UTP18: variants seen among roughly 807,000 people sequenced by gnomAD.
UTP18 encodes the protein U3 small nucleolar RNA-associated protein 18 homolog.
UTP18 carries 36 observed loss-of-function variants against 61.1 expected under a neutral mutation model. The observed-to-expected ratio is 0.59, with a 90% confidence interval of 0.45 to 0.78. The LOEUF is 0.78. Ranked by LOEUF, UTP18 falls within the 30% of genes least tolerant of loss-of-function variation. The pLI, the probability that UTP18 is intolerant of heterozygous loss-of-function variation, is 0.00. For synonymous variants in UTP18, 282 were observed against 251.1 expected (o/e 1.12, Z -1.16); for missense variants, 753 against 693.9 (o/e 1.09, Z -0.96).
At chr17:51,292,142 C>T (rs1299944327) in intron 11 of UTP18, among the ~76,000 whole-genome samples, 1 of 152,072 alleles carries the variant, frequency 6.6e-6, no homozygotes, top group African/African-American at 2.4e-5. Flanking sequence ...TTGCAATATC[C>T]ATGTTGTGGC....
chr17:51,285,206 A>G (rs754065727), intron 9 of UTP18, 39 bp from the exon 10 acceptor site: 3 of 1,610,008 alleles, frequency 1.9e-6, no homozygotes, highest in Non-Finnish European at 2.5e-6. Flanking sequence ...TCAAGTTTAA[A>G]GCAAAATTAA....
intron 2 of UTP18, among the ~76,000 whole-genome samples, chr17:51,265,743 T>C (rs888503091): frequency 1.2e-4 from 18 of 151,472 alleles, no homozygotes; most frequent in Admixed American, 1.3e-4. Flanking sequence ...TCTGTATTTT[T>C]AGTAGAGATG....
At chr17:51,285,655 C>T (rs1905082131) in intron 10 of UTP18, among the ~76,000 whole-genome samples, 2 of 152,226 alleles carry the variant, frequency 1.3e-5, no homozygotes, top group Admixed American at 1.3e-4. Flanking sequence ...GAGCAAGAGA[C>T]CACATTCACG....
At chr17:51,290,374 C>T (rs545151191) in intron 11 of UTP18, among the ~76,000 whole-genome samples, 2 of 152,220 alleles carry the variant, frequency 1.3e-5, no homozygotes, top group African/African-American at 4.8e-5. Flanking sequence ...CAAGATCGTG[C>T]CTCTGTACTC....
In UTP18 at chr17:51,285,324, A is replaced by C; in HGVS notation, c.1284A>C (p.Gly428=). 5.6e-6 allele frequency: 9 copies of C among 1,613,968 alleles called. No homozygotes were observed. Among genetic ancestry groups the C allele is most frequent in the Non-Finnish European group, 7.6e-6 (9 of 1,179,924 alleles). Reference sequence around the variant, plus strand: ...TTGTTGATGAAGGCAGTTTATATGGATTAAGCATTGCCACATCTAGGAATG... The same window carrying C: ...TTGTTGATGAAGGCAGTTTATATGGCTTAAGCATTGCCACATCTAGGAATG... ...NRFVDEGSLY[G]LSIATSRNGQ... is the part of the protein sequence containing the mutation. Residue 428 remains glycine (G), a synonymous_variant, in exon 10 of 14, where the codon GGA becomes GGC. Coordinates refer to ENST00000225298, the MANE Select transcript of UTP18 (RefSeq NM_016001.3).
chr17:51,285,796 C>G (rs1006182280), intron 10 of UTP18, among the ~76,000 whole-genome samples: 18 of 152,224 alleles, frequency 1.2e-4, no homozygotes, highest in African/African-American at 4.3e-4. Context: ...ACAGTACACA[C>G]AGGGTTCAGT....
At chr17:51,276,046 C>G in intron 6 of UTP18, 55 bp downstream of exon 6, 1 of 1,524,592 alleles carries the variant, frequency 6.6e-7, no homozygotes, top group Non-Finnish European at 8.8e-7. Context: ...ATTTAAGGAC[C>G]AGACATTTGC....
At chr17:51,268,266 TC>T (rs1447697490) in intron 3 of UTP18, among the ~76,000 whole-genome samples, 4 of 152,328 alleles carry the variant, frequency 2.6e-5, no homozygotes, top group African/African-American at 9.6e-5. Context: ...GACCTCGTGA[TC>T]CGCCCGCCTT....
At chr17:51,280,799 C>T (rs560392486) in intron 9 of UTP18, among the ~76,000 whole-genome samples, 5 of 151,588 alleles carry the variant, frequency 3.3e-5, no homozygotes, top group African/African-American at 4.8e-5. Flanking sequence ...GGGGACAGAA[C>T]GAGACTCCAT....
At chr17:51,296,129 A>C (rs911187135) in intron 12 of UTP18, 1 of 152,210 alleles carries the variant, frequency 6.6e-6, no homozygotes, top group Non-Finnish European at 1.5e-5. Context: ...ATAAAACAGG[A>C]ACAAACAAAA....
chr17:51,263,829 G>T (rs917243331), intron 2 of UTP18, among the ~76,000 whole-genome samples: 2 of 152,152 alleles, frequency 1.3e-5, no homozygotes, highest in South Asian at 4.1e-4. Flanking sequence ...AAAGAAGGTA[G>T]CTCACACCAT....
chr17:51,289,219 C>G (rs1011213834), intron 11 of UTP18, among the ~76,000 whole-genome samples: 10 of 147,392 alleles, frequency 6.8e-5, no homozygotes, highest in African/African-American at 2.5e-4. Flanking sequence ...TTTTTTGAGA[C>G]CAAGTCTCAC....
At chr17:51,297,047 C>A in intron 13 of UTP18, 44 bp downstream of exon 13, 1 of 1,523,288 alleles carries the variant, frequency 6.6e-7, no homozygotes. Flanking sequence ...TTTTAAGATA[C>A]ACCCATTGCT....
intron 2 of UTP18, among the ~76,000 whole-genome samples, chr17:51,263,666 A>G (rs1381873308): frequency 6.6e-6 from 1 of 152,162 alleles, no homozygotes; most frequent in Non-Finnish European, 1.5e-5. Context: ...TCTTTTGGCC[A>G]GTTTCTAATT....
intron 3 of UTP18, among the ~76,000 whole-genome samples, chr17:51,267,537 C>A (rs1466354214): frequency 2.0e-5 from 3 of 148,498 alleles, no homozygotes; most frequent in Non-Finnish European, 4.5e-5. Context: ...CTTTGCATTT[C>A]CTCTTCCCTC....
chr17:51,278,834 T>G (rs777910522), intron 7 of UTP18, among the ~76,000 whole-genome samples: 1 of 152,178 alleles, frequency 6.6e-6, no homozygotes, highest in Non-Finnish European at 1.5e-5. Flanking sequence ...GTGCCTTTCA[T>G]AGTAAGGAGA....
intron 11 of UTP18, among the ~76,000 whole-genome samples, chr17:51,290,866 A>G (rs573924507): frequency 6.1e-4 from 93 of 152,376 alleles, no homozygotes; most frequent in African/African-American, 2.0e-3. Context: ...CATTGTTAGC[A>G]TTGTTAAATG....
intron 3 of UTP18, among the ~76,000 whole-genome samples, chr17:51,268,158 T>TG (rs1904365863): frequency 6.6e-6 from 1 of 152,012 alleles, no homozygotes; most frequent in Non-Finnish European, 1.5e-5. Flanking sequence ...TACCAGTAGA[T>TG]GGGACTACAG....
intron 4 of UTP18, among the ~76,000 whole-genome samples, chr17:51,272,640 G>A (rs939129043): frequency 1.3e-5 from 2 of 152,146 alleles, no homozygotes; most frequent in African/African-American, 4.8e-5. Flanking sequence ...ATCCCAGAAC[G>A]TTTTATTTTA....
Sources: gnomAD v4.1 joint callset for allele counts (sites outside exome capture counted in the v4.1 genomes callset) on GRCh38, gnomAD v4.1.1 for gene constraint, MANE v1.5 for transcripts, NCBI Gene and HGNC (gene_info 2026-07-23, HGNC 2026-07-21) for gene names.